KCNJ16: variants seen among roughly 807,000 people sequenced by gnomAD.
KCNJ16 encodes the protein inward rectifier potassium channel 16.
Under a neutral mutation model 18.5 loss-of-function variants are expected in KCNJ16, and 15 were observed. The observed-to-expected ratio is 0.81, with a 90% CI of 0.54 to 1.25. KCNJ16 has a LOEUF of 1.25. KCNJ16 is among the 50% of genes most tolerant of loss of function. The pLI is 0.00. For synonymous variants in KCNJ16, 174 were observed against 186.5 expected (o/e 0.93, Z 0.55); for missense variants, 523 against 525.7 (o/e 0.99, Z 0.05).
At chr17:70,123,287 T>C (rs1181609139) in intron 2 of KCNJ16, among the ~76,000 whole-genome samples, 1 of 152,204 alleles carries the variant, frequency 6.6e-6, no homozygotes, top group African/African-American at 2.4e-5. Context: ...ACAGTTTAGC[T>C]TATAGCATCA....
chr17:70,099,968 G>T (rs1598120183), intron 1 of KCNJ16, among the ~76,000 whole-genome samples: 1 of 152,274 alleles, frequency 6.6e-6, no homozygotes, highest in East Asian at 1.9e-4. Context: ...AAATACATCA[G>T]AGGGATTCAA....
At chr17:70,111,044 A>G in intron 2 of KCNJ16, among the ~76,000 whole-genome samples, 1 of 152,126 alleles carries the variant, frequency 6.6e-6, no homozygotes, top group Non-Finnish European at 1.5e-5. Flanking sequence ...GAAATAGTTC[A>G]CTACAACCCT....
intron 2 of KCNJ16, among the ~76,000 whole-genome samples, chr17:70,103,431 T>A (rs1301310510): frequency 6.6e-6 from 1 of 150,980 alleles, no homozygotes; most frequent in Non-Finnish European, 1.5e-5. Context: ...TCTCCCAAAG[T>A]GCTAGGATTA....
In KCNJ16 at chr17:70,132,598, A is replaced by G. The variant is rs753914769; in HGVS notation, c.511A>G (p.Lys171Glu). 1 of 1,614,238 alleles carries G rather than the reference A, an allele frequency of 6.2e-7. No homozygotes were observed. The highest frequency in any genetic ancestry group is 2.2e-5 in the East Asian group (1 of 44,880). ...CTTTATCATTGGAGCTGCCTTGGCCAAAATGGCAACTGCTCGAAAGAGAGC... is the reference window on the plus strand; with the variant it reads ...CTTTATCATTGGAGCTGCCTTGGCCGAAATGGCAACTGCTCGAAAGAGAGC... ...NTFIIGAALA[K>E]MATARKRAQT... Residue 171 changes from lysine to glutamate, a missense_variant, in exon 4 of 4, where the codon AAA (lysine) becomes GAA (glutamate). Lys to Glu is a moderately conservative substitution (Grantham distance 56, BLOSUM62 1). Coordinates refer to ENST00000392671, the MANE Select transcript of KCNJ16 (RefSeq NM_170741.4).
At position 70,133,725 on chromosome 17, in the gene KCNJ16, C is replaced by T. The variant is rs2074145083; in HGVS notation, c.*381C>T. ...ACAGCATAAATAATACATTTTTAAACATGTCAACATTGATAATACAATGAA... is the reference window on the plus strand; with the variant it reads ...ACAGCATAAATAATACATTTTTAAATATGTCAACATTGATAATACAATGAA... On this transcript the variant is annotated 3_prime_UTR_variant, in exon 4 of 4. Transcript: ENST00000392671. The T allele has an allele frequency of 1.1e-5, 2 of 179,912 alleles. No homozygotes were observed. The highest frequency in any genetic ancestry group is 2.6e-5 in the Non-Finnish European group (2 of 75,884). The allele number at this position is 179,912 out of a possible 1,614,324, so 11.1% of individuals were successfully genotyped here.
At chr17:70,114,296 T>A (rs74772940) in intron 2 of KCNJ16, among the ~76,000 whole-genome samples, 1 of 152,140 alleles carries the variant, frequency 6.6e-6, no homozygotes, top group East Asian at 1.9e-4. Context: ...GCAGATTGAA[T>A]AGACTAATAA....
Position 70,133,308 on chromosome 17 carries a change from G to T in KCNJ16, c.1221G>T (p.Leu407=), listed in dbSNP as rs775091640. ...YRETPYQKAL[L]TLNRISVESQ... ...AAACACCTTATCAGAAAGCTCTCCT[G>T]ACTTTAAACAGAATCTCTGTAGAAT... Residue 407 remains leucine (L), a synonymous_variant, in exon 4 of 4, where the codon CTG becomes CTT. Coordinates refer to ENST00000392671, the MANE Select transcript of KCNJ16 (RefSeq NM_170741.4). 4 of 1,613,658 alleles carry T rather than the reference G, an allele frequency of 2.5e-6. No homozygotes were observed. In the African/African-American group the frequency reaches 4.0e-5, roughly 16 times the overall value.
intron 1 of KCNJ16, among the ~76,000 whole-genome samples, chr17:70,094,621 G>C (rs1307048504): frequency 2.4e-5 from 1 of 41,776 alleles, no homozygotes; most frequent in South Asian, 4.8e-4. Context: ...GGTGAAAGGT[G>C]GGGGGAATAA....
At chr17:70,103,290 G>GTGA (rs1180277649) in intron 2 of KCNJ16, among the ~76,000 whole-genome samples, 21 of 84,506 alleles carry the variant, frequency 2.5e-4, no homozygotes, top group Middle Eastern at 6.3e-3. Flanking sequence ...GCATATATGT[G>GTGA]TGTGTGTATA....
intron 2 of KCNJ16, among the ~76,000 whole-genome samples, chr17:70,130,607 T>C (rs974135263): frequency 1.3e-5 from 2 of 152,318 alleles, no homozygotes; most frequent in African/African-American, 4.8e-5. Context: ...TGGAGGGAAG[T>C]TAACTCTTTC....
intron 2 of KCNJ16, among the ~76,000 whole-genome samples, chr17:70,127,427 T>C (rs1256287352): frequency 6.8e-6 from 1 of 146,192 alleles, no homozygotes; most frequent in African/African-American, 2.6e-5. Flanking sequence ...GGCTCCTGCA[T>C]AATTCTACGG....
In KCNJ16 at chr17:70,134,911, G is replaced by A. The variant is rs1216943605; in HGVS notation, c.*1567G>A. On this transcript the variant is annotated 3_prime_UTR_variant, in exon 4 of 4. Coordinates refer to ENST00000392671, the MANE Select transcript of KCNJ16 (RefSeq NM_170741.4). ...AAATATATAGGTATAGGTAGATAGA[G>A]TGCCTTTCTGTTTCTTTTCTTTTCT... 4 of 166,456 alleles carry A rather than the reference G, an allele frequency of 2.4e-5. No homozygotes were observed. Among genetic ancestry groups the A allele is most frequent in the African/African-American group, 9.7e-5 (4 of 41,350 alleles). 10.3% of individuals were successfully genotyped at this position (166,456 alleles called of 1,614,324 possible).
At position 70,081,622 on chromosome 17, in the gene KCNJ16, CCT is replaced by C. The variant is rs199710507; in HGVS notation, c.-300+6233_-300+6234del. Among the ~76,000 whole-genome samples, 1,324 of 152,144 alleles carry C rather than the reference CCT, an allele frequency of 8.7e-3. 7 individuals carry two copies. Among genetic ancestry groups the C allele is most frequent in the African/African-American group, 0.022 (897 of 41,498 alleles). ...CTCTGCACTATTGTGTCAGCTCATCCCTGTTTTTGCTGTTGCAAACAGTGGGC... is the reference window on the plus strand; with the variant it reads ...CTCTGCACTATTGTGTCAGCTCATCCGTTTTTGCTGTTGCAAACAGTGGGC... On this transcript the variant is annotated intron_variant, in intron 1 of 3. Coordinates refer to ENST00000392671, the MANE Select transcript of KCNJ16 (RefSeq NM_170741.4).
intron 2 of KCNJ16, among the ~76,000 whole-genome samples, chr17:70,129,129 A>G (rs2073970700): frequency 6.6e-6 from 1 of 152,224 alleles, no homozygotes; most frequent in South Asian, 2.1e-4. Flanking sequence ...TTCCAGGCCC[A>G]GTGGAAAGTC....
At chr17:70,079,583 A>C (rs1270883342) in intron 1 of KCNJ16, among the ~76,000 whole-genome samples, 1 of 152,258 alleles carries the variant, frequency 6.6e-6, no homozygotes, top group Non-Finnish European at 1.5e-5. Context: ...TCTAAAAGAA[A>C]TTAAGAATCA....
chr17:70,120,180 C>T (rs1406290045), intron 2 of KCNJ16, among the ~76,000 whole-genome samples: 2 of 152,196 alleles, frequency 1.3e-5, no homozygotes, highest in Admixed American at 6.5e-5. Flanking sequence ...ACCTTTGCTC[C>T]AGTTCCCAAT....
At chr17:70,116,771 G>A (rs1250919270) in intron 2 of KCNJ16, among the ~76,000 whole-genome samples, 1 of 152,128 alleles carries the variant, frequency 6.6e-6, no homozygotes, top group Non-Finnish European at 1.5e-5. Flanking sequence ...TCACACCAGT[G>A]AGAATAGCCA....
At chr17:70,100,280 A>G (rs933999316) in intron 1 of KCNJ16, among the ~76,000 whole-genome samples, 2 of 152,196 alleles carry the variant, frequency 1.3e-5, no homozygotes, top group African/African-American at 2.4e-5. Context: ...TAAGTCAGAC[A>G]ATTGTTTTCT....
chr17:70,128,111 AG>A (rs1396603843), intron 2 of KCNJ16: 1 of 152,246 alleles, frequency 6.6e-6, no homozygotes, highest in African/African-American at 2.4e-5. Context: ...AAAATGGCAG[AG>A]GAATTGCTTC....
Sources: gnomAD v4.1 joint callset for allele counts (sites outside exome capture counted in the v4.1 genomes callset) on GRCh38, gnomAD v4.1.1 for gene constraint, MANE v1.5 for transcripts, NCBI Gene and HGNC (gene_info 2026-07-23, HGNC 2026-07-21) for gene names.